CNOT6L: variants seen among roughly 807,000 people sequenced by gnomAD.
CNOT6L encodes the protein CCR4-NOT transcription complex subunit 6 like.
A neutral mutation model predicts 64.0 loss-of-function variants in CNOT6L; 7 were observed. The ratio of observed to expected loss-of-function variants is 0.11; its 90% confidence interval spans 0.06 to 0.21. CNOT6L has a LOEUF of 0.21. CNOT6L is among the 10% of genes least tolerant of loss of function. The pLI is 1.00. For missense variants in CNOT6L, 245 were observed against 669.0 expected (o/e 0.37, Z 6.99); for synonymous variants, 193 against 243.4 (o/e 0.79, Z 1.93).
rs779995621 is a variant in CNOT6L, at chr4:77,773,082, T to C, written c.399A>G (p.Lys133=). The C allele has an allele frequency of 1.9e-5, 30 of 1,593,022 alleles. No individual in the cohort carries two copies. The highest frequency in any genetic ancestry group is 2.5e-5 in the Non-Finnish European group (29 of 1,169,644). ...RLFQLQTLGL[K]GNPLSQDILN... is the part of the protein sequence containing the mutation. ...CAAAACTGTTTAAAAATCACTTACC[T>C]TTCAAACCTAGAGTTTGTAGCTGGA... The change falls in exon 4 of 12, where the codon AAA becomes AAG. Residue 133 remains lysine, a splice_region_variant and synonymous_variant. Transcript: ENST00000504123.
chr4:77,813,285 T>C (rs1361575746), intron 1 of CNOT6L, among the ~76,000 whole-genome samples: 2 of 54,324 alleles, frequency 3.7e-5, no homozygotes, highest in Admixed American at 2.4e-4. Context: ...TTAGATTAGA[T>C]ATATTAGATA....
At chr4:77,729,821 T>C (rs1722246957) in intron 9 of CNOT6L, among the ~76,000 whole-genome samples, 1 of 152,012 alleles carries the variant, frequency 6.6e-6, no homozygotes, top group African/African-American at 2.4e-5. Flanking sequence ...ACTTTCCAAA[T>C]GGTAGATGGA....
intron 4 of CNOT6L, among the ~76,000 whole-genome samples, chr4:77,763,192 G>T (rs755622119): frequency 6.6e-6 from 1 of 151,934 alleles, no homozygotes; most frequent in African/African-American, 2.4e-5. Context: ...TATATGTAAG[G>T]CAACTGGTCT....
chr4:77,818,865 C>A (rs1733900316), intron 1 of CNOT6L: 1 of 282,612 alleles, frequency 3.5e-6, no homozygotes, highest in African/African-American at 2.3e-5. Flanking sequence ...GAACGGCGGC[C>A]CCGGGATCAG....
chr4:77,764,123 T>C (rs551534997), intron 4 of CNOT6L, among the ~76,000 whole-genome samples: 3 of 152,316 alleles, frequency 2.0e-5, no homozygotes, highest in South Asian at 2.1e-4. Context: ...TTTAGCATAG[T>C]TGAGTTCTGC....
rs1357591835 is a variant in CNOT6L, at chr4:77,720,542, C to G, written c.1557G>C (p.Gly519=). 6.2e-7 allele frequency: 1 copy of G among 1,613,218 alleles called. No homozygotes were observed. The highest frequency in any genetic ancestry group is 8.5e-7 in the Non-Finnish European group (1 of 1,179,478). ...PQWLVENNIT[G]CPHPHIPSDH... Reference sequence around the variant, plus strand: ...CTGAAGGGATGTGAGGGTGTGGACACCCAGTGATGTTGTTCTCAACCAGCC... The same window carrying G: ...CTGAAGGGATGTGAGGGTGTGGACAGCCAGTGATGTTGTTCTCAACCAGCC... The change falls in exon 12 of 12, where the codon GGG becomes GGC. Residue 519 remains glycine (G), a synonymous_variant. Transcript: ENST00000504123.
At chr4:77,720,709 T>A in intron 11 of CNOT6L, 66 bp from the exon 12 acceptor site, 1 of 1,537,574 alleles carries the variant, frequency 6.5e-7, no homozygotes, top group Admixed American at 1.9e-5. Context: ...ATCCATAATT[T>A]ATAAAAACCA....
At chr4:77,774,203 T>C (rs878904918) in intron 3 of CNOT6L, among the ~76,000 whole-genome samples, 8 of 152,320 alleles carry the variant, frequency 5.3e-5, no homozygotes, top group Admixed American at 4.6e-4. Flanking sequence ...GATATGTTCT[T>C]GTAAGTTTTA....
At chr4:77,773,534 G>A (rs367719002) in intron 3 of CNOT6L, among the ~76,000 whole-genome samples, 17 of 152,140 alleles carry the variant, frequency 1.1e-4, no homozygotes, top group East Asian at 5.8e-4. Flanking sequence ...CTTGAAACTC[G>A]TCTAATTAAT....
intron 6 of CNOT6L, among the ~76,000 whole-genome samples, chr4:77,746,876 A>G (rs1560585426): frequency 6.6e-6 from 1 of 152,114 alleles, no homozygotes; most frequent in Non-Finnish European, 1.5e-5. Context: ...ACACTGACAC[A>G]ATGCCTCTTA....
At chr4:77,764,789 A>C (rs1167945940) in intron 4 of CNOT6L, among the ~76,000 whole-genome samples, 2 of 152,184 alleles carry the variant, frequency 1.3e-5, no homozygotes, top group African/African-American at 4.8e-5. Flanking sequence ...AAGAGACCCT[A>C]AAAGTTAGAA....
At position 77,736,306 on chromosome 4, in the gene CNOT6L, T is replaced by C. The variant is rs113085729; in HGVS notation, c.873-4768A>G. ...TTTCTAGTAAATAAGAGTGTTGATA[T>C]GTTTCTTGAACTTTAAGACTTTCTC... is the stretch of plus-strand genomic sequence containing the variant. On this transcript the variant is annotated intron_variant, in intron 8 of 11. Transcript: ENST00000504123. Among the ~76,000 whole-genome samples, 314 of 152,354 alleles carry C rather than the reference T, an allele frequency of 2.1e-3. 3 individuals are homozygous for C. Among genetic ancestry groups the C allele is most frequent in the Middle Eastern group, 0.01 (3 of 294 alleles).
intron 1 of CNOT6L, among the ~76,000 whole-genome samples, chr4:77,805,723 T>C (rs917406768): frequency 3.9e-5 from 6 of 152,214 alleles, no homozygotes; most frequent in Non-Finnish European, 7.3e-5. Context: ...TCAAGTCCTA[T>C]TTACTTTATT....
chr4:77,817,853 T>C (rs975715177), intron 1 of CNOT6L, among the ~76,000 whole-genome samples: 2 of 152,220 alleles, frequency 1.3e-5, no homozygotes, highest in African/African-American at 2.4e-5. Flanking sequence ...GTATTATGCT[T>C]TTATCCACAG....
intron 1 of CNOT6L, among the ~76,000 whole-genome samples, chr4:77,786,283 A>AT (rs1185370243): frequency 2.0e-5 from 3 of 150,284 alleles, no homozygotes; most frequent in Non-Finnish European, 4.4e-5. Flanking sequence ...TCCCTCTAAA[A>AT]AAAAAGAAAG....
rs1213977390 is a variant in CNOT6L, at chr4:77,719,199, CAAA to C, written c.*1229_*1231del. 1 of 152,124 alleles carries C rather than the reference CAAA, an allele frequency of 6.6e-6. No individual in the cohort carries two copies. The highest frequency in any genetic ancestry group is 1.5e-5 in the Non-Finnish European group (1 of 67,936). The allele number at this position is 152,124 out of a possible 1,614,324, so 9.4% of individuals were successfully genotyped here. ...AGATTTTCAACTGGCCCCTCCTAGG[CAAA>C]AAAAAGATTCCAACATACCTAAAGG... On this transcript the variant is annotated 3_prime_UTR_variant, in exon 12 of 12. Coordinates refer to ENST00000504123, the MANE Select transcript of CNOT6L (RefSeq NM_144571.3).
intron 5 of CNOT6L, among the ~76,000 whole-genome samples, chr4:77,751,988 A>G (rs1422881457): frequency 6.6e-6 from 1 of 152,168 alleles, no homozygotes; most frequent in Non-Finnish European, 1.5e-5. Flanking sequence ...CCTGGCCAAC[A>G]TAGTGAGATC....
rs1209280071 is a variant in CNOT6L, at chr4:77,720,481, G to C, written c.1618C>G (p.Pro540Ala). Residue 540 changes from proline to alanine, a missense_variant, in exon 12 of 12, where the codon CCT becomes GCT. This residue lies in a region of CNOT6L where 7 missense variants were observed against 26.5 expected (regional missense o/e 0.26). Coordinates refer to ENST00000504123, the MANE Select transcript of CNOT6L (RefSeq NM_144571.3). The stretch of plus-strand genomic sequence containing the variant: ...CCATTGACAAGAGGCAGGAGTGGAG[G>C]GTGGAGTTCAAGTTGTGTTAACAGT... ...FSLLTQLELH[P>A]PLLPLVNGVH... The C allele has an allele frequency of 6.2e-7, 1 of 1,613,336 alleles. No individual in the cohort carries two copies. The highest frequency in any genetic ancestry group is 2.2e-5 in the East Asian group (1 of 44,888).
At position 77,716,310 on chromosome 4, in the gene CNOT6L, G is replaced by A. The variant is rs1720742837; in HGVS notation, c.*4121C>T. 6.6e-6 allele frequency: 1 copy of A among 151,956 alleles called. No homozygotes were observed. The highest frequency in any genetic ancestry group is 2.4e-5 in the African/African-American group (1 of 41,396). The allele number at this position is 151,956 out of a possible 1,614,324, so 9.4% of individuals were successfully genotyped here. A position where few individuals can be genotyped will look rare whatever the true frequency, so the allele number is the denominator to read the frequency against. ...AAGCTATTAAAATATCTCAGAAACA[G>A]AATAAAAAAGCTTAGAATCAAATAA... On this transcript the variant is annotated 3_prime_UTR_variant, in exon 12 of 12. Coordinates refer to ENST00000504123, the MANE Select transcript of CNOT6L (RefSeq NM_144571.3).
Sources: allele counts gnomAD v4.1 joint callset (sites outside exome capture counted in the v4.1 genomes callset), GRCh38; gene constraint gnomAD v4.1.1; regional missense constraint gnomAD v4.1.1; transcripts MANE v1.5; gene names NCBI Gene and HGNC (gene_info 2026-07-23, HGNC 2026-07-21).